Variants in PPP2R2A observed in about 807,000 individuals in gnomAD.
The protein encoded by PPP2R2A is serine/threonine-protein phosphatase 2A 55 kDa regulatory subunit B alpha isoform.
In PPP2R2A, 9 loss-of-function variants were observed where a neutral mutation model predicts 53.2. The observed-to-expected ratio is 0.17, with a 90% CI of 0.10 to 0.30. The LOEUF (loss-of-function observed/expected upper bound fraction) is 0.30, where lower values mean the gene tolerates loss of function less well. Among genes scored for constraint, PPP2R2A ranks in the 10% least tolerant of loss-of-function variants. The probability of loss-of-function intolerance (pLI) is 1.00; values close to 1 mark genes in which losing one functional copy is unlikely to be tolerated. For synonymous variants in PPP2R2A, 169 were observed against 174.2 expected (o/e 0.97, Z 0.23); for missense variants, 235 against 534.6 (o/e 0.44, Z 5.53).
chr8:26,329,572 G>C (rs1803266927), intron 2 of PPP2R2A, among the ~76,000 whole-genome samples: 1 of 152,084 alleles, frequency 6.6e-6, no homozygotes, highest in Admixed American at 6.5e-5. Flanking sequence ...GACATCATCT[G>C]TATTTATTAG....
At chr8:26,368,135 T>C (rs1305340204) in intron 9 of PPP2R2A, among the ~76,000 whole-genome samples, 3 of 152,192 alleles carry the variant, frequency 2.0e-5, no homozygotes, top group African/African-American at 7.2e-5. Flanking sequence ...TCAGATGATA[T>C]GGGGATGTCA....
At chr8:26,349,342 C>T (rs547068370) in intron 3 of PPP2R2A, among the ~76,000 whole-genome samples, 1 of 152,166 alleles carries the variant, frequency 6.6e-6, no homozygotes, top group South Asian at 2.1e-4. Flanking sequence ...AATGTTTTCT[C>T]AGGTTGAAAT....
At chr8:26,357,681 G>C (rs1013837268) in intron 4 of PPP2R2A, among the ~76,000 whole-genome samples, 4 of 151,978 alleles carry the variant, frequency 2.6e-5, no homozygotes. Flanking sequence ...AAGTTTTTTA[G>C]GGTCTTACAT....
rs1563326267 is a variant in PPP2R2A, at chr8:26,363,833, T to C, written c.915T>C (p.Tyr305=). 5.6e-6 allele frequency: 9 copies of C among 1,604,756 alleles called. No homozygotes were observed. The highest frequency in any genetic ancestry group is 7.7e-6 in the Non-Finnish European group (9 of 1,173,608). The change falls in exon 8 of 10, where the codon TAT becomes TAC. Residue 305 remains tyrosine (Y), a synonymous_variant. Transcript: ENST00000380737. ...GTCGATATATGATGACTAGAGACTA[T>C]TTGTCAGTCAAAATTTGGGACTTAA... The part of the protein sequence containing the change: ...HSGRYMMTRD[Y]LSVKIWDLNM...
chr8:26,308,269 G>T (rs979883762), intron 2 of PPP2R2A, among the ~76,000 whole-genome samples: 1 of 152,234 alleles, frequency 6.6e-6, no homozygotes, highest in African/African-American at 2.4e-5. Flanking sequence ...TGGAGTGACT[G>T]TGGCACTTCT....
In PPP2R2A at chr8:26,291,804, C is replaced by T. The variant is rs779337209; in HGVS notation, c.-16C>T. ...GACCCCGAGGAACCCAGCAGGGTCACCATTTGCAGCGCAACATGGCAGGTA... is the reference window on the plus strand; with the variant it reads ...GACCCCGAGGAACCCAGCAGGGTCATCATTTGCAGCGCAACATGGCAGGTA... On this transcript the variant is annotated 5_prime_UTR_variant, in exon 1 of 10. Transcript: ENST00000380737. 6.2e-7 allele frequency: 1 copy of T among 1,604,820 alleles called. No homozygotes were observed. Among genetic ancestry groups the T allele is most frequent in the Non-Finnish European group, 8.5e-7 (1 of 1,176,284 alleles).
chr8:26,321,080 A>T lies in PPP2R2A; in HGVS notation c.83-17810A>T, dbSNP rs1268343800. ...GAAACCCTGGAACGGTGCCATAACT[A>T]AACTAAAAAAATTTTAGCAGGAAAC... On this transcript the variant is annotated intron_variant, in intron 2 of 9. Transcript: ENST00000380737. The surrounding 1 kb of genome is among the most constrained non-coding windows in gnomAD (Gnocchi z 4.1). Among the ~76,000 whole-genome samples, 3 of 152,214 alleles carry T rather than the reference A, an allele frequency of 2.0e-5. No homozygotes were observed. The highest frequency in any genetic ancestry group is 7.2e-5 in the African/African-American group (3 of 41,456).
intron 3 of PPP2R2A, among the ~76,000 whole-genome samples, chr8:26,342,215 G>T (rs1314228710): frequency 1.3e-5 from 2 of 152,212 alleles, no homozygotes; most frequent in South Asian, 2.1e-4. Flanking sequence ...TGTAATCACA[G>T]CCATCATGTG....
intron 2 of PPP2R2A, among the ~76,000 whole-genome samples, chr8:26,322,760 C>T (rs539677259): frequency 6.6e-6 from 1 of 152,304 alleles, no homozygotes; most frequent in East Asian, 1.9e-4. Context: ...AGAGGATGCC[C>T]TTCTTAAGCC....
chr8:26,321,872 G>A lies in PPP2R2A; in HGVS notation c.83-17018G>A, dbSNP rs1802858872. On this transcript the variant is annotated intron_variant, in intron 2 of 9. Transcript: ENST00000380737. This position sits in a 1 kb window ranked among gnomAD's most constrained non-coding sequence, Gnocchi z 4.1. The stretch of plus-strand genomic sequence containing the variant: ...AAGGCAGCAATAGAGAACTTATATA[G>A]GAAGTAACAATGTCAACATTTCCCC... Among the ~76,000 whole-genome samples, 1 of 152,196 alleles carries A rather than the reference G, an allele frequency of 6.6e-6. No individual in the cohort carries two copies. Among genetic ancestry groups the A allele is most frequent in the African/African-American group, 2.4e-5 (1 of 41,438 alleles).
intron 4 of PPP2R2A, among the ~76,000 whole-genome samples, chr8:26,359,295 G>T (rs79262605): frequency 6.6e-6 from 1 of 152,166 alleles, no homozygotes; most frequent in African/African-American, 2.4e-5. Context: ...TTTGAATTCT[G>T]GAGCAGAAAA....
At chr8:26,292,548 G>A in intron 1 of PPP2R2A, 1 of 705,648 alleles carries the variant, frequency 1.4e-6, no homozygotes, top group Non-Finnish European at 1.7e-6. Context: ...TAAAATAGTT[G>A]CGGAGTTCAG....
chr8:26,327,039 G>T (rs1193732537), intron 2 of PPP2R2A, among the ~76,000 whole-genome samples: 1 of 152,196 alleles, frequency 6.6e-6, no homozygotes, highest in East Asian at 1.9e-4. Context: ...CTGGTTCCAG[G>T]ACACATCTCT....
chr8:26,323,721 G>A (rs1017095518), intron 2 of PPP2R2A, among the ~76,000 whole-genome samples: 3 of 152,146 alleles, frequency 2.0e-5, no homozygotes, highest in Non-Finnish European at 2.9e-5. Context: ...GTTGGAGTGC[G>A]CCACCTACGC....
Position 26,366,363 on chromosome 8 carries a change from T to C in PPP2R2A, c.1021T>C (p.Cys341Arg), listed in dbSNP as rs1210745573. The C allele has an allele frequency of 7.5e-6, 12 of 1,600,576 alleles. No homozygotes were observed. The highest frequency in any genetic ancestry group is 1.0e-5 in the Non-Finnish European group (12 of 1,175,614). Residue 341 changes from cysteine (C) to arginine (R), a missense_variant, in exon 9 of 10, where the codon TGC (cysteine) becomes CGC (arginine). Physicochemically the swap from Cys to Arg is radical, Grantham distance 180 (BLOSUM62 -3). Coordinates refer to ENST00000380737, the MANE Select transcript of PPP2R2A (RefSeq NM_002717.4). ...ACTCTGTTCACTGTATGAAAATGAC[T>C]GCATATTTGACAAATTTGAATGTTG... is the stretch of plus-strand genomic sequence containing the variant. The part of the protein sequence containing the change: ...SKLCSLYEND[C>R]IFDKFECCWN...
chr8:26,369,692 C>CA (rs1164385058), intron 9 of PPP2R2A, among the ~76,000 whole-genome samples: 1 of 152,028 alleles, frequency 6.6e-6, no homozygotes, highest in African/African-American at 2.4e-5. Flanking sequence ...GCGCCCGGCC[C>CA]AAAAAATGTA....
chr8:26,334,282 G>A (rs931635055), intron 2 of PPP2R2A, among the ~76,000 whole-genome samples: 3 of 152,134 alleles, frequency 2.0e-5, no homozygotes, highest in African/African-American at 7.2e-5. Flanking sequence ...TTTTGGTGGT[G>A]GTGGTTTGTG....
chr8:26,353,538 TTTAC>T (rs1274708538), intron 3 of PPP2R2A, among the ~76,000 whole-genome samples: 1 of 152,250 alleles, frequency 6.6e-6, no homozygotes, highest in African/African-American at 2.4e-5. Context: ...CATTCTATTT[TTTAC>T]TTAAACTTTT....
intron 2 of PPP2R2A, among the ~76,000 whole-genome samples, chr8:26,334,767 CAAAA>C (rs942475939): frequency 6.6e-6 from 1 of 151,782 alleles, no homozygotes; most frequent in African/African-American, 2.4e-5. Context: ...AAAACAAAAA[CAAAA>C]AAAGTCAGTA....
Sources: allele counts gnomAD v4.1 joint callset (sites outside exome capture counted in the v4.1 genomes callset), GRCh38; gene constraint gnomAD v4.1.1; non-coding constraint Gnocchi (gnomAD v3.1); transcripts MANE v1.5; gene names NCBI Gene and HGNC (gene_info 2026-07-23, HGNC 2026-07-21).